The following CEBPG variants were observed in gnomAD, a reference collection of about 807,000 sequenced individuals.
The protein encoded by CEBPG is CCAAT/enhancer-binding protein gamma.
A neutral mutation model predicts 11.1 loss-of-function variants in CEBPG; 6 were observed. That is an observed-to-expected ratio of 0.54 (90% CI 0.30 to 1.07). The LOEUF is 1.07. Ranked by LOEUF, CEBPG falls within the 50% of genes least tolerant of loss-of-function variation. The probability of loss-of-function intolerance (pLI) is 0.07; values close to 1 mark genes in which losing one functional copy is unlikely to be tolerated. For missense variants in CEBPG, 161 were observed against 187.4 expected (o/e 0.86, Z 0.82); for synonymous variants, 66 against 71.0 (o/e 0.93, Z 0.36).
Position 33,373,794 on chromosome 19 carries a change from C to G in CEBPG, c.-198C>G, listed in dbSNP as rs1383072930. ...GCCGGTTTCGTAACCGTCGCTCCTC[C>G]TCGCTGACTCGCGGGCTGTGAGGCC... On this transcript the variant is annotated 5_prime_UTR_variant, in exon 1 of 2. Coordinates refer to ENST00000284000, the MANE Select transcript of CEBPG (RefSeq NM_001806.4). 6.6e-6 allele frequency: 1 copy of G among 151,666 alleles called. No homozygotes were observed. The highest frequency in any genetic ancestry group is 2.4e-5 in the African/African-American group (1 of 41,342). 9.4% of individuals were successfully genotyped at this position (151,666 alleles called of 1,614,324 possible).
intron 1 of CEBPG, among the ~76,000 whole-genome samples, chr19:33,376,059 G>A (rs1967907893): frequency 6.7e-6 from 1 of 149,550 alleles, no homozygotes; most frequent in Non-Finnish European, 1.5e-5. Context: ...TAGATGGGAA[G>A]TTTTTTTTTT....
intron 1 of CEBPG, among the ~76,000 whole-genome samples, 161 bp downstream of exon 1, chr19:33,374,056 G>GCGCCGCGCGGCGT (rs1456726310): frequency 6.7e-6 from 1 of 150,212 alleles, no homozygotes; most frequent in Non-Finnish European, 1.5e-5. Flanking sequence ...GCGGGCGGCG[G>GCGCCGCGCGGCGT]CGCCGCGCGG....
chr19:33,376,066 T>TGTTTG (rs151086462), intron 1 of CEBPG, among the ~76,000 whole-genome samples: 2 of 151,852 alleles, frequency 1.3e-5, no homozygotes, highest in African/African-American at 4.8e-5. Context: ...GAAGTTTTTT[T>TGTTTG]TTTGTTTGTT....
rs1967983645 is a variant in CEBPG, at chr19:33,381,194, G to T, written c.*1502G>T. ...CTGATTTAAAAGTTTGTGTTATCAG[G>T]TATCTTATTTGAACATGGTCATTTT... On this transcript the variant is annotated 3_prime_UTR_variant, in exon 2 of 2. Transcript: ENST00000284000. 6.0e-6 allele frequency: 1 copy of T among 167,018 alleles called. No individual in the cohort carries two copies. Among genetic ancestry groups the T allele is most frequent in the African/African-American group, 2.4e-5 (1 of 41,424 alleles). 10.3% of individuals were successfully genotyped at this position (167,018 alleles called of 1,614,324 possible).
chr19:33,376,071 T>C (rs919057858), intron 1 of CEBPG, among the ~76,000 whole-genome samples: 16 of 151,900 alleles, frequency 1.1e-4, no homozygotes, highest in Admixed American at 8.5e-4. Context: ...TTTTTTTTTG[T>C]TTGTTTTAGG....
intron 1 of CEBPG, chr19:33,374,512 A>T (rs1967886752): frequency 1.3e-5 from 2 of 152,342 alleles, no homozygotes; most frequent in Admixed American, 1.3e-4. Context: ...TGTTGAACGT[A>T]GTTTAGAAGA....
At chr19:33,376,185 T>A (rs1171574071) in intron 1 of CEBPG, among the ~76,000 whole-genome samples, 3 of 152,068 alleles carry the variant, frequency 2.0e-5, no homozygotes, top group African/African-American at 7.2e-5. Flanking sequence ...AGTGAAAAAT[T>A]TATTTTGGTG....
At chr19:33,377,148 C>CT (rs146022472) in intron 1 of CEBPG, among the ~76,000 whole-genome samples, 4,212 of 152,308 alleles carry the variant, frequency 0.028, 95 homozygotes, top group Non-Finnish European at 0.045. Flanking sequence ...CGGAAACAGG[C>CT]GTGAACGTTG....
intron 1 of CEBPG, among the ~76,000 whole-genome samples, chr19:33,375,772 A>G (rs556159704): frequency 6.6e-6 from 1 of 152,170 alleles, no homozygotes; most frequent in Non-Finnish European, 1.5e-5. Context: ...CAGATGCCCA[A>G]AGAAAAGAGA....
chr19:33,377,166 T>TG (rs1355307535), intron 1 of CEBPG, among the ~76,000 whole-genome samples: 3 of 152,248 alleles, frequency 2.0e-5, no homozygotes, highest in African/African-American at 4.8e-5. Context: ...TTGCTGAACG[T>TG]GGACCCTGTA....
At chr19:33,374,943 C>T (rs545103789) in intron 1 of CEBPG, among the ~76,000 whole-genome samples, 1 of 152,328 alleles carries the variant, frequency 6.6e-6, no homozygotes, top group East Asian at 1.9e-4. Context: ...AGACATTCTA[C>T]ACCTAGAAGC....
rs1600066043 is a variant in CEBPG, at chr19:33,382,341, A to G, written c.*2649A>G. ...ATGAGTGTGAAATTCTCAAATTTAC[A>G]TAAAAAGTAGAAGTATAGACAGTTT... On this transcript the variant is annotated 3_prime_UTR_variant, in exon 2 of 2. Transcript: ENST00000284000. 6.0e-6 allele frequency: 1 copy of G among 167,286 alleles called. No homozygotes were observed. The allele number at this position is 167,286 out of a possible 1,614,324, so 10.4% of individuals were successfully genotyped here.
At chr19:33,379,051 A>C (rs919061820) in intron 1 of CEBPG, 93 bp from the exon 2 acceptor site, 2 of 506,112 alleles carry the variant, frequency 4.0e-6, no homozygotes, top group Non-Finnish European at 6.8e-6. Context: ...CAGCAGAATC[A>C]ATTAATGTTG....
chr19:33,378,160 G>A (rs773571291), intron 1 of CEBPG, among the ~76,000 whole-genome samples: 4 of 152,240 alleles, frequency 2.6e-5, no homozygotes, highest in Non-Finnish European at 5.9e-5. Flanking sequence ...TGGGGCAGCT[G>A]TAGGGACTTA....
intron 1 of CEBPG, chr19:33,374,283 T>C (rs1235377495): frequency 6.6e-6 from 1 of 151,928 alleles, no homozygotes; most frequent in Non-Finnish European, 1.5e-5. Flanking sequence ...CATTGGCCCC[T>C]GGGGATGAAG....
rs1967971661 is a variant in CEBPG at position 33,380,485 on chromosome 19, A to G, written c.*793A>G. On this transcript the variant is annotated 3_prime_UTR_variant, in exon 2 of 2. Coordinates refer to ENST00000284000, the MANE Select transcript of CEBPG (RefSeq NM_001806.4). ...GGTGTAGAGAAACTTGTGTACCAAAATTTTAGTTTCTGCAGATGCTAGTGT... is the reference window on the plus strand; with the variant it reads ...GGTGTAGAGAAACTTGTGTACCAAAGTTTTAGTTTCTGCAGATGCTAGTGT... The G allele has an allele frequency of 1.2e-5, 2 of 167,148 alleles. No homozygotes were observed. Among genetic ancestry groups the G allele is most frequent in the East Asian group, 3.9e-4 (2 of 5,186 alleles). 10.4% of individuals were successfully genotyped at this position (167,148 alleles called of 1,614,324 possible). A position where few individuals can be genotyped will look rare whatever the true frequency, so the allele number is the denominator to read the frequency against.
At position 33,379,962 on chromosome 19, in the gene CEBPG, C is replaced by G. The variant is rs936344792; in HGVS notation, c.*270C>G. Reference sequence around the variant, plus strand: ...GGTAAAAAAAGAAATATCTGGGATCCCGATGTTCTTAATAAATCCTGACTT... The same window carrying G: ...GGTAAAAAAAGAAATATCTGGGATCGCGATGTTCTTAATAAATCCTGACTT... On this transcript the variant is annotated 3_prime_UTR_variant, in exon 2 of 2. Coordinates refer to ENST00000284000, the MANE Select transcript of CEBPG (RefSeq NM_001806.4). 8 of 315,822 alleles carry G rather than the reference C, an allele frequency of 2.5e-5. No homozygotes were observed. Among genetic ancestry groups the G allele is most frequent in the Non-Finnish European group, 4.9e-5 (8 of 164,404 alleles). The allele number at this position is 315,822 out of a possible 1,614,324, so 19.6% of individuals were successfully genotyped here. A position where few individuals can be genotyped will look rare whatever the true frequency, so the allele number is the denominator to read the frequency against.
intron 1 of CEBPG, among the ~76,000 whole-genome samples, 173 bp from the exon 2 acceptor site, chr19:33,378,971 T>TA (rs1345828739): frequency 6.6e-6 from 1 of 152,238 alleles, no homozygotes; most frequent in African/African-American, 2.4e-5. Context: ...TGTGCTTACT[T>TA]ACCTTTCTAA....
intron 1 of CEBPG, 144 bp from the exon 2 acceptor site, chr19:33,379,000 C>A (rs949974676): frequency 2.5e-6 from 1 of 399,010 alleles, no homozygotes; most frequent in Non-Finnish European, 4.4e-6. Context: ...ATTTAGACTT[C>A]AGAAACATTG....
Sources: allele counts gnomAD v4.1 joint callset (sites outside exome capture counted in the v4.1 genomes callset), GRCh38; gene constraint gnomAD v4.1.1; transcripts MANE v1.5; gene names NCBI Gene and HGNC (gene_info 2026-07-23, HGNC 2026-07-21).